Variants in SCML2 observed in about 807,000 individuals in gnomAD.
SCML2 encodes sex comb on midleg-like protein 2.
A neutral mutation model predicts 48.4 loss-of-function variants in SCML2; 6 were observed. That is an observed-to-expected ratio of 0.12 (90% CI 0.07 to 0.24). SCML2 has a LOEUF of 0.24. Ranked by LOEUF, SCML2 falls within the 10% of genes least tolerant of loss-of-function variation. The pLI, the probability that SCML2 is intolerant of heterozygous loss-of-function variation, is 1.00. For missense variants in SCML2, 377 were observed against 528.2 expected (o/e 0.71, Z 2.81); for synonymous variants, 181 against 189.5 (o/e 0.95, Z 0.37).
intron 7 of SCML2, among the ~76,000 whole-genome samples, chrX:18,270,338 C>T (rs1287263200): frequency 1.8e-5 from 2 of 111,313 alleles, no homozygotes; most frequent in Non-Finnish European, 3.8e-5. Flanking sequence ...AAAATTTTTA[C>T]ATATGAACAA....
chrX:18,269,435 T>C (rs1352501928), intron 7 of SCML2, among the ~76,000 whole-genome samples: 1 of 112,202 alleles, frequency 8.9e-6, no homozygotes, highest in Non-Finnish European at 1.9e-5. Flanking sequence ...CCTTCCACCA[T>C]GAATGTAAGT....
chrX:18,341,246 G>T lies in SCML2; in HGVS notation c.-24-7151C>A, dbSNP rs116485791. The T allele has an allele frequency of 9.0e-4, 613 of 681,401 alleles. 3 individuals are homozygous for T. The African/African-American group carries it at 0.013, about 15-fold the overall frequency. 56.2% of individuals were successfully genotyped at this position (681,401 alleles called of 1,213,427 possible). ...AGACAAACCAGACATAGGGGAAATC[G>T]CCAGCTTCAATAAGGCCAAGCTGAA... On this transcript the variant is annotated intron_variant, in intron 1 of 14. Coordinates refer to ENST00000251900, the MANE Select transcript of SCML2 (RefSeq NM_006089.3).
chrX:18,275,363 CA>C (rs929681814), intron 7 of SCML2, among the ~76,000 whole-genome samples: 1 of 112,721 alleles, frequency 8.9e-6, no homozygotes, highest in African/African-American at 3.2e-5. Context: ...TCCTTGTTGT[CA>C]ATGGCTAAAC....
intron 7 of SCML2, among the ~76,000 whole-genome samples, chrX:18,281,318 A>T (rs779405737): frequency 8.9e-6 from 1 of 112,926 alleles, no homozygotes; most frequent in South Asian, 3.6e-4. Context: ...ATAAGGAAAC[A>T]ACTTACCGAA....
rs1220021831 is a variant in SCML2 at position 18,247,811 on chromosome X, G to A, written c.1528C>T (p.Leu510Phe). 1.7e-6 allele frequency: 2 copies of A among 1,209,083 alleles called. No individual in the cohort carries two copies. Among genetic ancestry groups the A allele is most frequent in the African/African-American group, 1.7e-5 (1 of 57,196 alleles). Residue 510 changes from leucine (L) to phenylalanine (F), a missense_variant, in exon 12 of 15, where the codon CTC (leucine) becomes TTC (phenylalanine). By Grantham distance (22) the Leu-to-Phe change is conservative. Coordinates refer to ENST00000251900, the MANE Select transcript of SCML2 (RefSeq NM_006089.3). Reference sequence around the variant, plus strand: ...TTTGTTTTGGGGAGCTTAGGAGAGAGAGGAACAACATATGGTACAGTTTGC... The same window carrying A: ...TTTGTTTTGGGGAGCTTAGGAGAGAAAGGAACAACATATGGTACAGTTTGC... Reference protein sequence around the residue: ...PQQTVPYVVPLSPKLPKTKEY... With the variant: ...PQQTVPYVVPFSPKLPKTKEY...
chrX:18,320,070 T>C (rs376329188), intron 6 of SCML2, among the ~76,000 whole-genome samples: 32 of 112,586 alleles, frequency 2.8e-4, no homozygotes, highest in Admixed American at 1.3e-3. Context: ...AACATGTCTA[T>C]ATGCTAATGG....
At chrX:18,281,573 G>A (rs1484184633) in intron 7 of SCML2, among the ~76,000 whole-genome samples, 2 of 109,159 alleles carry the variant, frequency 1.8e-5, no homozygotes, top group African/African-American at 3.3e-5. Context: ...TTAGCCGGGC[G>A]TGCTGGCAGG....
At chrX:18,265,869 CAAAAT>C in intron 7 of SCML2, 67 bp from the exon 8 acceptor site, 1 of 820,724 alleles carries the variant, frequency 1.2e-6, no homozygotes, top group East Asian at 3.3e-5. Flanking sequence ...CCTCATGACT[CAAAAT>C]AAGTTTTACT....
At chrX:18,346,058 G>A (rs959961918) in intron 1 of SCML2, among the ~76,000 whole-genome samples, 4 of 110,625 alleles carry the variant, frequency 3.6e-5, no homozygotes, top group African/African-American at 9.9e-5. Flanking sequence ...CGTAAGCCAC[G>A]GCGCTCGGCC....
intron 7 of SCML2, among the ~76,000 whole-genome samples, chrX:18,304,071 T>C (rs1163885101): frequency 1.8e-5 from 2 of 111,961 alleles, no homozygotes; most frequent in Admixed American, 1.9e-4. Context: ...CGGAGTTTTG[T>C]TCTCGTTGCC....
chrX:18,268,931 C>G (rs1388608040), intron 7 of SCML2, among the ~76,000 whole-genome samples: 1 of 111,345 alleles, frequency 9.0e-6, no homozygotes, highest in Non-Finnish European at 1.9e-5. Context: ...CTTGCTGTCT[C>G]TTACTACTTT....
intron 8 of SCML2, among the ~76,000 whole-genome samples, chrX:18,264,288 T>C (rs768425041): frequency 2.1e-4 from 24 of 111,796 alleles, no homozygotes; most frequent in Non-Finnish European, 2.1e-4. Flanking sequence ...TTACTCTTTC[T>C]CCTGTCATCT....
At chrX:18,263,537 C>T (rs1927148983) in intron 8 of SCML2, among the ~76,000 whole-genome samples, 1 of 111,336 alleles carries the variant, frequency 9.0e-6, no homozygotes, top group Non-Finnish European at 1.9e-5. Flanking sequence ...ATGTCCTCAC[C>T]TTCATTCTTT....
At chrX:18,265,126 T>C (rs1000687498) in intron 8 of SCML2, among the ~76,000 whole-genome samples, 1 of 112,145 alleles carries the variant, frequency 8.9e-6, no homozygotes, top group South Asian at 3.7e-4. Flanking sequence ...CCAGAATCTG[T>C]CTGCTTCCAT....
At chrX:18,289,814 T>G (rs1419878663) in intron 7 of SCML2, among the ~76,000 whole-genome samples, 1 of 111,740 alleles carries the variant, frequency 8.9e-6, no homozygotes, top group Non-Finnish European at 1.9e-5. Flanking sequence ...TGCGCATACC[T>G]GAACAAAGAG....
chrX:18,241,398 C>A lies in SCML2; in HGVS notation c.1975-19G>T. ...CAATTTCCTACAGAGAGAAGGAAAT[C>A]ATAATCATTAATAATGCTTTCATAT... On this transcript the variant is annotated intron_variant, in intron 14 of 14. Transcript: ENST00000251900. The A allele has an allele frequency of 9.0e-7, 1 of 1,107,515 alleles. No homozygotes were observed. Among genetic ancestry groups the A allele is most frequent in the South Asian group, 2.4e-5 (1 of 41,404 alleles). The allele number at this position is 1,107,515 out of a possible 1,213,427, so 91.3% of individuals were successfully genotyped here. A position where few individuals can be genotyped will look rare whatever the true frequency, so the allele number is the denominator to read the frequency against.
intron 5 of SCML2, among the ~76,000 whole-genome samples, chrX:18,322,251 A>C (rs957898861): frequency 8.9e-6 from 1 of 112,642 alleles, no homozygotes; most frequent in African/African-American, 3.2e-5. Context: ...ACTAATCAGC[A>C]CATATTTCTA....
chrX:18,317,668 T>TA (rs1318728164), intron 6 of SCML2, among the ~76,000 whole-genome samples: 2 of 107,512 alleles, frequency 1.9e-5, no homozygotes, highest in African/African-American at 3.4e-5. Flanking sequence ...CCGTCTCTAC[T>TA]AAAAAAATAC....
chrX:18,241,486 C>G, intron 14 of SCML2, 107 bp from the exon 15 acceptor site: 3 of 456,765 alleles, frequency 6.6e-6, no homozygotes, highest in African/African-American at 2.5e-5. Context: ...TATATATTCT[C>G]TGAATATGCT....
Sources: gnomAD v4.1 joint callset for allele counts (sites outside exome capture counted in the v4.1 genomes callset) on GRCh38, gnomAD v4.1.1 for gene constraint, MANE v1.5 for transcripts, NCBI Gene and HGNC (gene_info 2026-07-23, HGNC 2026-07-21) for gene names.